Variants in LIPH observed in about 807,000 individuals in gnomAD.
LIPH encodes lipase member H.
LIPH carries 32 observed loss-of-function variants against 47.6 expected under a neutral mutation model. The observed-to-expected ratio is 0.67, with a 90% CI of 0.51 to 0.90. The LOEUF (loss-of-function observed/expected upper bound fraction) is 0.90. LIPH is among the 40% of genes least tolerant of loss of function. LIPH has a pLI of 0.00. For synonymous variants in LIPH, 190 were observed against 195.6 expected (o/e 0.97, Z 0.24); for missense variants, 497 against 541.4 (o/e 0.92, Z 0.81).
intron 5 of LIPH, among the ~76,000 whole-genome samples, chr3:185,523,653 C>A (rs977189257): frequency 6.6e-6 from 1 of 152,160 alleles, no homozygotes; most frequent in Non-Finnish European, 1.5e-5. Flanking sequence ...GCAATCTTCC[C>A]ACCTTGGCCT....
At chr3:185,529,922 GA>G (rs1245057417) in intron 3 of LIPH, among the ~76,000 whole-genome samples, 1 of 41,968 alleles carries the variant, frequency 2.4e-5, no homozygotes, top group African/African-American at 6.5e-5. Context: ...AAGAAAGAAA[GA>G]AAGAAAGAAA....
intron 1 of LIPH, among the ~76,000 whole-genome samples, chr3:185,544,639 G>A (rs1030006976): frequency 6.6e-6 from 1 of 152,212 alleles, no homozygotes; most frequent in Non-Finnish European, 1.5e-5. Context: ...ACAGGCATGA[G>A]TTACTGAGCC....
At chr3:185,529,710 G>A (rs925387139) in intron 3 of LIPH, among the ~76,000 whole-genome samples, 10 of 149,504 alleles carry the variant, frequency 6.7e-5, no homozygotes, top group East Asian at 4.1e-4. Flanking sequence ...GGCAACATAC[G>A]GAGACCCTGT....
At chr3:185,547,613 A>G (rs1057482768) in intron 1 of LIPH, among the ~76,000 whole-genome samples, 1 of 152,098 alleles carries the variant, frequency 6.6e-6, no homozygotes, top group Non-Finnish European at 1.5e-5. Context: ...CAGGAGTTTG[A>G]GACCAGCCTG....
chr3:185,529,964 AGGAAAGAAAGAAAGAG>A (rs1405288101), intron 3 of LIPH, among the ~76,000 whole-genome samples: 52 of 56,212 alleles, frequency 9.3e-4, no homozygotes, highest in Admixed American at 1.6e-3. Flanking sequence ...GAAAGAAAGA[AGGAAAGAAAGAAAGAG>A]AGAGAGAGAG....
Position 185,524,107 on chromosome 3 carries a change from A to G in LIPH, c.682T>C (p.Leu228=), listed in dbSNP as rs1471092473. Residue 228 remains leucine, a synonymous_variant, in exon 5 of 10, where the codon TTG becomes CTG. Transcript: ENST00000296252. The part of the protein sequence containing the change: ...GNIDFYPNGG[L]DQPGCPKTIL... ...GTTTTGGGGCAGCCAGGTTGATCCA[A>G]TCCTCCATTTGGGTAGAAGTCTATG... is the stretch of plus-strand genomic sequence containing the variant. 2 of 1,613,714 alleles carry G rather than the reference A, an allele frequency of 1.2e-6. No individual in the cohort carries two copies. Among genetic ancestry groups the G allele is most frequent in the Non-Finnish European group, 8.5e-7 (1 of 1,179,758 alleles).
At chr3:185,547,843 AGAAG>A (rs1720926121) in intron 1 of LIPH, among the ~76,000 whole-genome samples, 1 of 151,832 alleles carries the variant, frequency 6.6e-6, no homozygotes, top group Admixed American at 6.6e-5. Context: ...AAAAAAAAGA[AGAAG>A]AAAGAAAGAA....
At chr3:185,548,383 G>A (rs561062084) in intron 1 of LIPH, among the ~76,000 whole-genome samples, 1 of 148,462 alleles carries the variant, frequency 6.7e-6, no homozygotes, top group East Asian at 2.0e-4. Context: ...CCAGCCTGGT[G>A]ACAGAGCGAG....
intron 5 of LIPH, among the ~76,000 whole-genome samples, chr3:185,519,556 C>T (rs1234845647): frequency 2.0e-5 from 3 of 152,052 alleles, no homozygotes; most frequent in African/African-American, 4.8e-5. Context: ...AGACCCAGGG[C>T]CAGGTGCAGT....
chr3:185,519,238 T>C lies in LIPH; in HGVS notation c.790A>G (p.Thr264Ala). 6.2e-7 allele frequency: 1 copy of C among 1,612,198 alleles called. No homozygotes were observed. The highest frequency in any genetic ancestry group is 8.5e-7 in the Non-Finnish European group (1 of 1,178,262). ...GAGTCACAGGGATACGCAGTGATGG[T>C]GCAGCTCTCTCTCAGGGAAGACAGG... ...LYLSSLRESCTITAYPCDSYQ... is the reference protein window; with the variant it reads ...LYLSSLRESCAITAYPCDSYQ... Residue 264 changes from threonine to alanine, a missense_variant, in exon 6 of 10, where the codon ACC becomes GCC. By Grantham distance (58) the Thr-to-Ala change is moderately conservative. Coordinates refer to ENST00000296252, the MANE Select transcript of LIPH (RefSeq NM_139248.3).
At chr3:185,548,757 AAACAAAAC>A (rs1720962655) in intron 1 of LIPH, among the ~76,000 whole-genome samples, 1 of 150,898 alleles carries the variant, frequency 6.6e-6, no homozygotes, top group Non-Finnish European at 1.5e-5. Flanking sequence ...AAACAAAACA[AAACAAAAC>A]AAAACAAAAC....
chr3:185,547,024 T>C, intron 1 of LIPH: 1 of 396,526 alleles, frequency 2.5e-6, no homozygotes, highest in Admixed American at 3.5e-5. Flanking sequence ...ATTCTGAGAT[T>C]CTACGATAGT....
At chr3:185,541,068 C>A (rs899315465) in intron 1 of LIPH, among the ~76,000 whole-genome samples, 2 of 152,186 alleles carry the variant, frequency 1.3e-5, no homozygotes, top group African/African-American at 4.8e-5. Context: ...CTTAATACTT[C>A]TCCCCACTAA....
chr3:185,529,910 G>GAAAGAAAGAGAGAAAGA (rs1179348940), intron 3 of LIPH, among the ~76,000 whole-genome samples: 3 of 29,628 alleles, frequency 1.0e-4, no homozygotes, highest in African/African-American at 2.8e-4. Context: ...AGAAAGAAAA[G>GAAAGAAAGAGAGAAAGA]AAAGAAAGAA....
At chr3:185,535,443 A>G (rs1176077544) in intron 1 of LIPH, among the ~76,000 whole-genome samples, 1 of 151,890 alleles carries the variant, frequency 6.6e-6, no homozygotes, top group Non-Finnish European at 1.5e-5. Flanking sequence ...ATGCCCGCTA[A>G]TTTGTGTATT....
At chr3:185,515,232 C>G (rs575009474) in intron 7 of LIPH, among the ~76,000 whole-genome samples, 1 of 149,224 alleles carries the variant, frequency 6.7e-6, no homozygotes, top group South Asian at 2.1e-4. Context: ...CCAGCAGACT[C>G]AGAGAAAAAA....
intron 1 of LIPH, among the ~76,000 whole-genome samples, chr3:185,550,196 T>A (rs777310103): frequency 6.6e-6 from 1 of 152,190 alleles, no homozygotes; most frequent in Non-Finnish European, 1.5e-5. Context: ...TGCTACCAGA[T>A]GAATATTATT....
At chr3:185,530,478 A>AAATAAT (rs761217291) in intron 3 of LIPH, among the ~76,000 whole-genome samples, 4 of 151,532 alleles carry the variant, frequency 2.6e-5, no homozygotes, top group African/African-American at 7.3e-5. Context: ...ACTCGGTCTC[A>AAATAAT]AATAATAATA....
At chr3:185,543,173 C>A (rs1720767085) in intron 1 of LIPH, among the ~76,000 whole-genome samples, 1 of 152,058 alleles carries the variant, frequency 6.6e-6, no homozygotes, top group African/African-American at 2.4e-5. Context: ...CATGCCACTG[C>A]ACTCCAGCCT....
Sources: gnomAD v4.1 joint callset for allele counts (sites outside exome capture counted in the v4.1 genomes callset) on GRCh38, gnomAD v4.1.1 for gene constraint, MANE v1.5 for transcripts, NCBI Gene and HGNC (gene_info 2026-07-23, HGNC 2026-07-21) for gene names.